The following MSH4 variants were observed in gnomAD, a reference collection of about 807,000 sequenced individuals.
MSH4 encodes mutS homolog 4, also known as mutS protein homolog 4.
MSH4 carries 106 observed loss-of-function variants against 113.7 expected under a neutral mutation model. That is an observed-to-expected ratio of 0.93 (90% confidence interval 0.80 to 1.10). MSH4 has a LOEUF of 1.10. MSH4 is among the 50% of genes least tolerant of loss of function. The pLI is 0.00. For missense variants in MSH4, 1,061 were observed against 1,093.7 expected (o/e 0.97, Z 0.42); for synonymous variants, 368 against 380.2 (o/e 0.97, Z 0.37).
intron 2 of MSH4, among the ~76,000 whole-genome samples, chr1:75,804,856 C>T (rs1046530867): frequency 7.0e-6 from 1 of 143,652 alleles, no homozygotes; most frequent in Middle Eastern, 4.4e-3. Flanking sequence ...TGAGATGGAG[C>T]CTTGCTCTGT....
At chr1:75,856,326 A>G (rs1651316661) in intron 8 of MSH4, among the ~76,000 whole-genome samples, 1 of 152,032 alleles carries the variant, frequency 6.6e-6, no homozygotes, top group South Asian at 2.1e-4. Flanking sequence ...TCTGGGTTAC[A>G]TGTGCAGAAC....
chr1:75,826,098 CT>C (rs149707657), intron 7 of MSH4, among the ~76,000 whole-genome samples: 37,692 of 151,940 alleles, frequency 0.25, 6,153 homozygotes, highest in East Asian at 0.68. Flanking sequence ...TGGTCCTGAG[CT>C]TTTTTTGGTT....
intron 19 of MSH4, among the ~76,000 whole-genome samples, chr1:75,902,056 A>G (rs1474804117): frequency 1.3e-5 from 2 of 151,944 alleles, no homozygotes; most frequent in African/African-American, 2.4e-5. Flanking sequence ...TAACATTTTT[A>G]CCTAGCTCAG....
At chr1:75,847,253 A>G (rs1651094809) in intron 7 of MSH4, among the ~76,000 whole-genome samples, 1 of 152,204 alleles carries the variant, frequency 6.6e-6, no homozygotes, top group Admixed American at 6.5e-5. Flanking sequence ...GTTGGGGATC[A>G]TATTCAAACC....
At chr1:75,822,665 C>A in intron 7 of MSH4, 84 bp downstream of exon 7, 1 of 718,966 alleles carries the variant, frequency 1.4e-6, no homozygotes, top group Non-Finnish European at 2.0e-6. Flanking sequence ...TTCTGAAAGA[C>A]AAGTAGTGAA....
At chr1:75,869,408 G>A (rs916286373) in intron 9 of MSH4, among the ~76,000 whole-genome samples, 6 of 152,160 alleles carry the variant, frequency 3.9e-5, no homozygotes, top group South Asian at 2.1e-4. Flanking sequence ...GAAGAAATTC[G>A]CATAAGTAAC....
intron 7 of MSH4, among the ~76,000 whole-genome samples, chr1:75,834,793 G>A (rs569508260): frequency 2.6e-5 from 4 of 152,282 alleles, no homozygotes; most frequent in Admixed American, 1.3e-4. Context: ...TCAGGGGATG[G>A]GGGAGGGATA....
intron 1 of MSH4, among the ~76,000 whole-genome samples, chr1:75,803,410 A>G (rs1270424489): frequency 6.6e-6 from 1 of 152,078 alleles, no homozygotes; most frequent in Non-Finnish European, 1.5e-5. Context: ...TGAGGTCAGG[A>G]ATTCGAGACC....
intron 8 of MSH4, among the ~76,000 whole-genome samples, chr1:75,852,153 G>C (rs1262283407): frequency 6.6e-6 from 1 of 152,134 alleles, no homozygotes; most frequent in Non-Finnish European, 1.5e-5. Context: ...GTAGTCTTTT[G>C]TGACTGGATT....
In MSH4 at chr1:75,859,780, C is replaced by T. The variant is rs527459488; in HGVS notation, c.1231-7734C>T. Among the ~76,000 whole-genome samples, 9 of 152,292 alleles carry T rather than the reference C, an allele frequency of 5.9e-5. No homozygotes were observed. In the South Asian group the frequency reaches 1.9e-3, roughly 32 times the overall value. ...GTTCTGTAGATTTCTATTAGGTCCACTTGGTTCAGAGTTGAGTTGAAGTCC... is the reference window on the plus strand; with the variant it reads ...GTTCTGTAGATTTCTATTAGGTCCATTTGGTTCAGAGTTGAGTTGAAGTCC... On this transcript the variant is annotated intron_variant, in intron 8 of 19. Coordinates refer to ENST00000263187, the MANE Select transcript of MSH4 (RefSeq NM_002440.4).
intron 6 of MSH4, among the ~76,000 whole-genome samples, 195 bp downstream of exon 6, chr1:75,816,741 C>G (rs1458456257): frequency 6.6e-6 from 1 of 152,148 alleles, no homozygotes; most frequent in Non-Finnish European, 1.5e-5. Context: ...ATTCTTCTGT[C>G]TCAGCCTCCC....
intron 8 of MSH4, among the ~76,000 whole-genome samples, chr1:75,858,386 G>T (rs1202026213): frequency 6.6e-6 from 1 of 152,198 alleles, no homozygotes; most frequent in Non-Finnish European, 1.5e-5. Flanking sequence ...CATTCAGTAT[G>T]ATATTGGCTG....
chr1:75,816,556 TC>T lies in MSH4; in HGVS notation c.989+12del. On this transcript the variant is annotated intron_variant, in intron 6 of 19. Coordinates refer to ENST00000263187, the MANE Select transcript of MSH4 (RefSeq NM_002440.4). ...ATAATCAAGACTATAGGTAAGATCA[TC>T]CATTTTATTTGTATAAAATATATCG... 2.0e-6 allele frequency: 3 copies of T among 1,475,352 alleles called. No homozygotes were observed. The highest frequency in any genetic ancestry group is 2.8e-6 in the Non-Finnish European group (3 of 1,088,800). 91.4% of individuals were successfully genotyped at this position (1,475,352 alleles called of 1,614,324 possible).
chr1:75,813,953 T>C (rs1339587109), intron 4 of MSH4, among the ~76,000 whole-genome samples: 5 of 152,210 alleles, frequency 3.3e-5, no homozygotes, highest in African/African-American at 1.2e-4. Flanking sequence ...AGATCAACTG[T>C]ATAATATCAG....
intron 17 of MSH4, among the ~76,000 whole-genome samples, chr1:75,892,402 C>A (rs1012187696): frequency 6.6e-6 from 1 of 152,046 alleles, no homozygotes; most frequent in Non-Finnish European, 1.5e-5. Context: ...CTCTTTCTCT[C>A]TCTCACTCTC....
At chr1:75,867,725 T>C (rs931325562) in intron 9 of MSH4, 137 bp downstream of exon 9, 13 of 602,208 alleles carry the variant, frequency 2.2e-5, no homozygotes, top group Non-Finnish European at 3.8e-5. Context: ...GTACATACTT[T>C]ACATACACAT....
intron 7 of MSH4, among the ~76,000 whole-genome samples, chr1:75,836,201 A>G (rs1049337718): frequency 6.6e-5 from 10 of 152,076 alleles, no homozygotes; most frequent in African/African-American, 1.9e-4. Context: ...TTTGCCTGAA[A>G]TCACACTGTT....
At chr1:75,861,787 A>G (rs2100556717) in intron 8 of MSH4, among the ~76,000 whole-genome samples, 1 of 152,208 alleles carries the variant, frequency 6.6e-6, no homozygotes, top group East Asian at 1.9e-4. Context: ...TGGGAGAACC[A>G]CTGCTCTCTT....
At position 75,833,573 on chromosome 1, in the gene MSH4, G is replaced by A. The variant is rs1315334963; in HGVS notation, c.1162+10992G>A. Among the ~76,000 whole-genome samples the A allele has an allele frequency of 5.9e-5, 9 of 152,202 alleles. No individual in the cohort carries two copies. In the East Asian group the frequency reaches 1.5e-3, roughly 26 times the overall value. ...ACAGTAACCAAAACAGCATGGCACT[G>A]GTACCAAAACATATATAGACCAATG... On this transcript the variant is annotated intron_variant, in intron 7 of 19. Transcript: ENST00000263187.
Sources: gnomAD v4.1 joint callset for allele counts (sites outside exome capture counted in the v4.1 genomes callset) on GRCh38, gnomAD v4.1.1 for gene constraint, MANE v1.5 for transcripts, NCBI Gene and HGNC (gene_info 2026-07-23, HGNC 2026-07-21) for gene names.